The following PRKACB variants were observed in gnomAD, a reference collection of about 807,000 sequenced individuals.
PRKACB encodes cAMP-dependent protein kinase catalytic subunit beta.
PRKACB carries 16 observed loss-of-function variants against 51.4 expected under a neutral mutation model. The observed-to-expected ratio is 0.31, with a 90% confidence interval of 0.21 to 0.47. The LOEUF is 0.47. PRKACB is among the 20% of genes least tolerant of loss of function. The pLI, the probability that PRKACB is intolerant of heterozygous loss-of-function variation, is 1.00. For missense variants in PRKACB, 309 were observed against 464.5 expected, an observed-to-expected ratio of 0.67 and a Z score of 3.08; for synonymous variants, 147 against 154.4, an observed-to-expected ratio of 0.95 and a Z score of 0.35.
intron 2 of PRKACB, chr1:84,181,654 T>G (rs543233839): frequency 6.8e-7 from 1 of 1,477,420 alleles, no homozygotes; most frequent in Non-Finnish European, 9.0e-7. Flanking sequence ...GCCACTAGGC[T>G]CTCTCATGCT....
At chr1:84,165,236 T>G (rs977323248) in intron 1 of PRKACB, among the ~76,000 whole-genome samples, 6 of 151,844 alleles carry the variant, frequency 4.0e-5, no homozygotes, top group African/African-American at 1.2e-4. Context: ...AATCAGTTTC[T>G]AATTTTCTTT....
intron 1 of PRKACB, among the ~76,000 whole-genome samples, chr1:84,129,193 A>G (rs1651926385): frequency 6.6e-6 from 1 of 152,142 alleles, no homozygotes; most frequent in African/African-American, 2.4e-5. Flanking sequence ...TGCATATTGT[A>G]TTAACTTACT....
chr1:84,178,774 C>G (rs549711628), intron 1 of PRKACB: 1 of 153,198 alleles, frequency 6.5e-6, no homozygotes, highest in Admixed American at 6.5e-5. Context: ...TGAAATTCCA[C>G]GAATCAGTAG....
chr1:84,206,945 A>C (rs1194616310), intron 8 of PRKACB, among the ~76,000 whole-genome samples: 1 of 152,218 alleles, frequency 6.6e-6, no homozygotes, highest in Non-Finnish European at 1.5e-5. Flanking sequence ...ACACATATGC[A>C]GATATTCCAC....
chr1:84,134,538 T>C (rs930908849), intron 1 of PRKACB, among the ~76,000 whole-genome samples: 17 of 152,180 alleles, frequency 1.1e-4, no homozygotes, highest in Non-Finnish European at 2.9e-5. Context: ...CTTAGATTAG[T>C]TAAAAATGAA....
intron 1 of PRKACB, among the ~76,000 whole-genome samples, chr1:84,128,451 G>GT: frequency 6.6e-6 from 1 of 152,234 alleles, no homozygotes; most frequent in Admixed American, 6.5e-5. Context: ...ATGCTCATAT[G>GT]TTATAACAGA....
intron 1 of PRKACB, among the ~76,000 whole-genome samples, chr1:84,121,729 G>C (rs1401621203): frequency 6.6e-6 from 1 of 152,064 alleles, no homozygotes; most frequent in Non-Finnish European, 1.5e-5. Context: ...GCACTTGAGA[G>C]GTCCTGAAAT....
chr1:84,234,237 G>GTCAGGGT (rs1415357762), intron 9 of PRKACB, among the ~76,000 whole-genome samples: 35 of 152,242 alleles, frequency 2.3e-4, no homozygotes, highest in African/African-American at 8.0e-4. Flanking sequence ...GGGGTCAGGG[G>GTCAGGGT]TCAGGGACCC....
At chr1:84,133,324 C>T (rs7512288) in intron 1 of PRKACB, among the ~76,000 whole-genome samples, 71,817 of 151,842 alleles carry the variant, frequency 0.47, 17,711 homozygotes, top group Non-Finnish European at 0.56. Flanking sequence ...AAAATAAATA[C>T]CTTCTCAAAC....
At chr1:84,078,720 C>G (rs1406636733) in intron 1 of PRKACB, among the ~76,000 whole-genome samples, 2 of 152,188 alleles carry the variant, frequency 1.3e-5, no homozygotes, top group African/African-American at 4.8e-5. Flanking sequence ...TGCTTTCCCC[C>G]CTCGCCGACT....
chr1:84,143,873 T>TA (rs1558013754), upstream of PRKACB, among the ~76,000 whole-genome samples: 1 of 152,072 alleles, frequency 6.6e-6, no homozygotes, highest in African/African-American at 2.4e-5. Context: ...AGTTTTTTTT[T>TA]ATGAAAAGTT....
chr1:84,097,318 CTACATTAGTA>C, intron 1 of PRKACB, among the ~76,000 whole-genome samples: 1 of 147,708 alleles, frequency 6.8e-6, no homozygotes, highest in East Asian at 1.9e-4. Flanking sequence ...TAGATAGTAT[CTACATTAGTA>C]GATACTATCA....
At chr1:84,090,199 T>C (rs1648344190) in intron 1 of PRKACB, among the ~76,000 whole-genome samples, 1 of 152,198 alleles carries the variant, frequency 6.6e-6, no homozygotes, top group Non-Finnish European at 1.5e-5. Flanking sequence ...TACCTCTGAC[T>C]TCTCCATTAT....
chr1:84,205,998 C>T (rs1348060412), intron 8 of PRKACB, among the ~76,000 whole-genome samples: 1 of 152,040 alleles, frequency 6.6e-6, no homozygotes, highest in East Asian at 1.9e-4. Context: ...TACTCCATGA[C>T]AAGAATCAGT....
At chr1:84,120,989 A>G (rs981491586) in intron 1 of PRKACB, among the ~76,000 whole-genome samples, 4 of 152,084 alleles carry the variant, frequency 2.6e-5, no homozygotes, top group African/African-American at 9.6e-5. Flanking sequence ...TTTTGAAGTA[A>G]CAATAATCAC....
chr1:84,214,278 G>T lies in PRKACB; in HGVS notation c.1032G>T (p.Trp344Cys). 6.2e-7 allele frequency: 1 copy of T among 1,611,766 alleles called. No homozygotes were observed. Among genetic ancestry groups the T allele is most frequent in the Non-Finnish European group, 8.5e-7 (1 of 1,179,084 alleles). The change falls in exon 9 of 10, where the codon TGG becomes TGT. Residue 344 changes from tryptophan to cysteine, a missense_variant. Physicochemically the swap from Trp to Cys is radical, Grantham distance 215. This residue lies in a region of PRKACB where 96 missense variants were observed against 129.9 expected (regional missense o/e 0.74). Coordinates refer to ENST00000370685, the MANE Select transcript of PRKACB (RefSeq NM_182948.4). ...TCAGTGATATAAAAACTCACAAGTG[G>T]TTTGCCACGACAGATTGGATTGCTA... Reference protein sequence around the residue: ...NGVSDIKTHKWFATTDWIAIY... With the variant: ...NGVSDIKTHKCFATTDWIAIY...
At chr1:84,203,075 G>A (rs56332619) in intron 8 of PRKACB, among the ~76,000 whole-genome samples, 2 of 151,954 alleles carry the variant, frequency 1.3e-5, no homozygotes, top group East Asian at 1.9e-4. Context: ...CATAATTCTC[G>A]ATATTCCTTC....
At chr1:84,197,850 G>A (rs1439270794) in intron 7 of PRKACB, 26 bp downstream of exon 7, 1 of 1,511,810 alleles carries the variant, frequency 6.6e-7, no homozygotes, top group African/African-American at 1.4e-5. Context: ...CAACACATAA[G>A]AAGTAGAAAT....
chr1:84,182,342 T>C lies in PRKACB; in HGVS notation c.378+14T>C. 7 of 1,519,790 alleles carry C rather than the reference T, an allele frequency of 4.6e-6. No homozygotes were observed. The highest frequency in any genetic ancestry group is 6.2e-6 in the Non-Finnish European group (7 of 1,133,060). The allele number at this position is 1,519,790 out of a possible 1,614,324, so 94.1% of individuals were successfully genotyped here. A position where few individuals can be genotyped will look rare whatever the true frequency, so the allele number is the denominator to read the frequency against. ...GATAAGCAGAAGGTGAGTGTATTTGTTGTTATTTACCTTCAGGGTAAACTT... is the reference window on the plus strand; with the variant it reads ...GATAAGCAGAAGGTGAGTGTATTTGCTGTTATTTACCTTCAGGGTAAACTT... On this transcript the variant is annotated intron_variant, in intron 3 of 9. Transcript: ENST00000370685.
Sources: allele counts gnomAD v4.1 joint callset (sites outside exome capture counted in the v4.1 genomes callset), GRCh38; gene constraint gnomAD v4.1.1; regional missense constraint gnomAD v4.1.1; transcripts MANE v1.5; gene names NCBI Gene and HGNC (gene_info 2026-07-23, HGNC 2026-07-21).